The following TPGS1 variants were observed in gnomAD, a reference collection of about 807,000 sequenced individuals.
TPGS1 encodes gene trap ROSA b-geo 22.
TPGS1 carries 18 observed loss-of-function variants against 11.9 expected under a neutral mutation model. That is an observed-to-expected ratio of 1.51 (90% confidence interval 1.04 to 2.24). The LOEUF (loss-of-function observed/expected upper bound fraction) is 2.24. TPGS1 is among the 30% of genes most tolerant of loss of function. The pLI, the probability that TPGS1 is intolerant of heterozygous loss-of-function variation, is 0.00. For missense variants in TPGS1, 500 were observed against 443.0 expected (o/e 1.13, Z -1.16); for synonymous variants, 247 against 218.2 (o/e 1.13, Z -1.16).
rs1022344566 is a variant in TPGS1, at chr19:519,548, C to G, written c.*125C>G. On this transcript the variant is annotated 3_prime_UTR_variant, in exon 2 of 2. Transcript: ENST00000359315. ...AGGCGCCCAGCCCTGCGGAGGAGGC[C>G]GGGGCTCCCAGGAAGCGGACGCCCG... is the stretch of plus-strand genomic sequence containing the variant. 1.0e-6 allele frequency: 1 copy of G among 956,638 alleles called. No individual in the cohort carries two copies. The highest frequency in any genetic ancestry group is 1.3e-6 in the Non-Finnish European group (1 of 758,014). 59.3% of individuals were successfully genotyped at this position (956,638 alleles called of 1,614,324 possible). A position where few individuals can be genotyped will look rare whatever the true frequency, so the allele number is the denominator to read the frequency against.
chr19:507,754 G>GAGACCCTGCAGTGTACTCA lies in TPGS1; in HGVS notation c.248_249insAGACCCTGCAGTGTACTCA (p.Ala84AspfsTer95). On this transcript the variant is annotated frameshift_variant, in exon 1 of 2. Transcript: ENST00000359315. LOFTEE classifies it high-confidence loss of function. ...GGCCTGCGCTCGCCTGTAAACGGCG[G>GAGACCCTGCAGTGTACTCA]CGCCGGGGAGCCCCCGGGCCAGCTC... The GAGACCCTGCAGTGTACTCA allele has an allele frequency of 7.2e-7, 1 of 1,397,056 alleles. No homozygotes were observed. The highest frequency in any genetic ancestry group is 9.3e-7 in the Non-Finnish European group (1 of 1,076,784). 86.5% of individuals were successfully genotyped at this position (1,397,056 alleles called of 1,614,324 possible). A position where few individuals can be genotyped will look rare whatever the true frequency, so the allele number is the denominator to read the frequency against.
rs1305593906 is a variant in TPGS1 at position 519,298 on chromosome 19, G to A, written c.748G>A (p.Asp250Asn). 6.3e-5 allele frequency: 75 copies of A among 1,188,564 alleles called. No individual in the cohort carries two copies. Among genetic ancestry groups the A allele is most frequent in the Non-Finnish European group, 7.5e-5 (72 of 961,186 alleles). The allele number at this position is 1,188,564 out of a possible 1,614,324, so 73.6% of individuals were successfully genotyped here. Residue 250 changes from aspartate (D) to asparagine (N), a missense_variant, in exon 2 of 2, where the codon GAC becomes AAC. Transcript: ENST00000359315. ...FLEAGSRLGP[D>N]SLALALDRAV... ...GGAGGCCGGCTCGCGCTTGGGGCCC[G>A]ACAGCCTGGCGCTGGCGCTGGACCG...
Position 519,286 on chromosome 19 carries a change from C to G in TPGS1, c.736C>G (p.Arg246Gly). ...APARFLEAGS[R>G]LGPDSLALAL... The stretch of plus-strand genomic sequence containing the variant: ...CGCGCGCTTCCTGGAGGCCGGCTCG[C>G]GCTTGGGGCCCGACAGCCTGGCGCT... Residue 246 changes from arginine to glycine, a missense_variant, in exon 2 of 2, where the codon CGC becomes GGC. Coordinates refer to ENST00000359315, the MANE Select transcript of TPGS1 (RefSeq NM_033513.3). The G allele has an allele frequency of 8.4e-7, 1 of 1,191,400 alleles. No individual in the cohort carries two copies. Among genetic ancestry groups the G allele is most frequent in the Non-Finnish European group, 1.0e-6 (1 of 963,374 alleles). The allele number at this position is 1,191,400 out of a possible 1,614,324, so 73.8% of individuals were successfully genotyped here. A position where few individuals can be genotyped will look rare whatever the true frequency, so the allele number is the denominator to read the frequency against.
Position 515,987 on chromosome 19 carries a change from C to G in TPGS1, c.339-2902C>G, listed in dbSNP as rs543122396. The stretch of plus-strand genomic sequence containing the variant: ...GCGGAGCTTGCAGTGAGCCGAGATC[C>G]CGCCACTGCACTCCAGCCCGGGCGA... On this transcript the variant is annotated intron_variant, in intron 1 of 1. Coordinates refer to ENST00000359315, the MANE Select transcript of TPGS1 (RefSeq NM_033513.3). Among the ~76,000 whole-genome samples the G allele has an allele frequency of 2.2e-3, 335 of 150,598 alleles. 2 individuals carry two copies. Among genetic ancestry groups the G allele is most frequent in the African/African-American group, 7.0e-3 (290 of 41,172 alleles).
At chr19:513,666 G>GAGCACCTACTGCACACCA (rs1568322614) in intron 1 of TPGS1, among the ~76,000 whole-genome samples, 1 of 38,272 alleles carries the variant, frequency 2.6e-5, no homozygotes, top group African/African-American at 1.3e-4. Context: ...ACTGCATACT[G>GAGCACCTACTGCACACCA]GCCCTGCATT....
Position 518,979 on chromosome 19 carries a change from C to T in TPGS1, c.429C>T (p.Tyr143=), listed in dbSNP as rs1439953455. The change falls in exon 2 of 2, where the codon TAC becomes TAT. Residue 143 remains tyrosine (Y), a synonymous_variant. Coordinates refer to ENST00000359315, the MANE Select transcript of TPGS1 (RefSeq NM_033513.3). The part of the protein sequence containing the change: ...RKRPGLDGRT[Y]SELLRRICRD... ...GGCCGGGGCTGGACGGGCGCACCTA[C>T]AGCGAGCTGCTCAGGCGCATCTGCC... The T allele has an allele frequency of 6.3e-7, 1 of 1,584,540 alleles. No homozygotes were observed. Among genetic ancestry groups the T allele is most frequent in the South Asian group, 1.1e-5 (1 of 88,588 alleles).
At chr19:515,645 G>A (rs1055384777) in intron 1 of TPGS1, among the ~76,000 whole-genome samples, 11 of 152,150 alleles carry the variant, frequency 7.2e-5, no homozygotes, top group South Asian at 4.1e-4. Context: ...GGCTGAGGCA[G>A]GAGAATCGCT....
At chr19:517,258 A>T (rs1449629354) in intron 1 of TPGS1, among the ~76,000 whole-genome samples, 1 of 146,732 alleles carries the variant, frequency 6.8e-6, no homozygotes, top group Non-Finnish European at 1.5e-5. Context: ...ACCAGGGAGG[A>T]GGTGAGGGAG....
intron 1 of TPGS1, among the ~76,000 whole-genome samples, chr19:511,044 T>C (rs913929070): frequency 6.6e-6 from 1 of 152,258 alleles, no homozygotes; most frequent in Non-Finnish European, 1.5e-5. Flanking sequence ...GTTCCATAAA[T>C]AGAATCTTTC....
At chr19:518,853 G>T (rs1979052600) in intron 1 of TPGS1, 36 bp from the exon 2 acceptor site, 1 of 1,470,726 alleles carries the variant, frequency 6.8e-7, no homozygotes, top group South Asian at 1.4e-5. Context: ...GTGGGCGCGC[G>T]GTCTCTGCCG....
intron 1 of TPGS1, 150 bp downstream of exon 1, chr19:507,994 C>A (rs1042457770): frequency 2.9e-5 from 17 of 582,104 alleles, no homozygotes; most frequent in East Asian, 3.5e-5. Flanking sequence ...TGGGATGGAT[C>A]GGACAAGGTG....
intron 1 of TPGS1, among the ~76,000 whole-genome samples, chr19:512,688 G>A (rs1014829660): frequency 5.3e-5 from 8 of 152,252 alleles, no homozygotes; most frequent in Admixed American, 1.3e-4. Flanking sequence ...CAGCGCTGCC[G>A]TCGCCAGCCT....
At chr19:512,982 G>A (rs1978845256) in intron 1 of TPGS1, among the ~76,000 whole-genome samples, 1 of 152,232 alleles carries the variant, frequency 6.6e-6, no homozygotes, top group African/African-American at 2.4e-5. Flanking sequence ...CTCGCGTCGA[G>A]CCCCGGGGGA....
intron 1 of TPGS1, among the ~76,000 whole-genome samples, chr19:514,397 A>G (rs1345552564): frequency 1.3e-5 from 2 of 151,394 alleles, no homozygotes; most frequent in South Asian, 2.1e-4. Context: ...ACACCGCCCC[A>G]GCATTACTGA....
In TPGS1 at chr19:519,239, A is replaced by C; in HGVS notation, c.689A>C (p.Gln230Pro). The change falls in exon 2 of 2, where the codon CAG becomes CCG. Residue 230 changes from glutamine (Q) to proline (P), a missense_variant. By Grantham distance (76) the Gln-to-Pro change is moderately conservative. Coordinates refer to ENST00000359315, the MANE Select transcript of TPGS1 (RefSeq NM_033513.3). ...CTGGACACCCTGGAGGGCGCGCTGC[A>C]GGCCAGCGACGCCGCCGCGCCCGCG... is the stretch of plus-strand genomic sequence containing the variant. Reference protein sequence around the residue: ...AVLDTLEGALQASDAAAPARF... With the variant: ...AVLDTLEGALPASDAAAPARF... 8.0e-7 allele frequency: 1 copy of C among 1,249,490 alleles called. No homozygotes were observed. Among genetic ancestry groups the C allele is most frequent in the Non-Finnish European group, 1.0e-6 (1 of 999,504 alleles). 77.4% of individuals were successfully genotyped at this position (1,249,490 alleles called of 1,614,324 possible).
chr19:512,239 C>T (rs1978818364), intron 1 of TPGS1, among the ~76,000 whole-genome samples: 1 of 152,226 alleles, frequency 6.6e-6, no homozygotes, highest in Admixed American at 6.5e-5. Context: ...TCCCAGCTCA[C>T]TGCAGCCTCG....
At chr19:515,218 T>G (rs1978914949) in intron 1 of TPGS1, among the ~76,000 whole-genome samples, 1 of 152,106 alleles carries the variant, frequency 6.6e-6, no homozygotes, top group African/African-American at 2.4e-5. Flanking sequence ...TGTGGGGCCT[T>G]GCCTGTGGGA....
chr19:513,686 C>G (rs375436604), intron 1 of TPGS1, among the ~76,000 whole-genome samples: 24,437 of 138,588 alleles, frequency 0.18, 3,844 homozygotes, highest in Admixed American at 0.3. Context: ...TACTGAGTAC[C>G]TACTGCACAC....
chr19:508,786 G>C, intron 1 of TPGS1: 1 of 152,542 alleles, frequency 6.6e-6, no homozygotes, highest in East Asian at 1.9e-4. Context: ...GAAGAGAGAT[G>C]GGGAGTGTCC....
Sources: gnomAD v4.1 joint callset for allele counts (sites outside exome capture counted in the v4.1 genomes callset) on GRCh38, gnomAD v4.1.1 for gene constraint, MANE v1.5 for transcripts, NCBI Gene and HGNC (gene_info 2026-07-23, HGNC 2026-07-21) for gene names.